Variants in RBM42 observed in about 807,000 individuals in gnomAD.
The protein encoded by RBM42 is RNA binding motif protein 42.
RBM42 carries 21 observed loss-of-function variants against 41.4 expected under a neutral mutation model. The observed-to-expected ratio is 0.51, with a 90% CI of 0.36 to 0.73. RBM42 has a LOEUF of 0.73. Among genes scored for constraint, RBM42 ranks in the 30% least tolerant of loss-of-function variants. The pLI, the probability that RBM42 is intolerant of heterozygous loss-of-function variation, is 0.00. For synonymous variants in RBM42, 272 were observed against 271.2 expected (o/e 1.00, Z -0.03); for missense variants, 539 against 680.4 (o/e 0.79, Z 2.31).
Position 35,630,014 on chromosome 19 carries a change from T to A in RBM42, c.282+341T>A, listed in dbSNP as rs534850025. The stretch of plus-strand genomic sequence containing the variant: ...TAGTAGAGAAAGAGAGAGAAATTAT[T>A]AAGATGAAAATAGGCTGGGCGCTGG... On this transcript the variant is annotated intron_variant, in intron 2 of 9. Coordinates refer to ENST00000262633, the MANE Select transcript of RBM42 (RefSeq NM_024321.5). Among the ~76,000 whole-genome samples, 6 of 152,234 alleles carry A rather than the reference T, an allele frequency of 3.9e-5. No homozygotes were observed. In the East Asian group the frequency reaches 1.2e-3, roughly 29 times the overall value.
At chr19:35,633,045 G>A in intron 5 of RBM42, 32 bp from the exon 6 acceptor site, 1 of 1,607,314 alleles carries the variant, frequency 6.2e-7, no homozygotes, top group Non-Finnish European at 8.5e-7. Context: ...ACTCCCCCCA[G>A]GCCCTGGAAC....
chr19:35,630,014 TA>T (rs1256748413), intron 2 of RBM42, among the ~76,000 whole-genome samples: 2 of 152,116 alleles, frequency 1.3e-5, no homozygotes, highest in Non-Finnish European at 2.9e-5. Flanking sequence ...GAGAAATTAT[TA>T]AGATGAAAAT....
In RBM42 at chr19:35,631,421, G is replaced by C; in HGVS notation, c.442+16G>C. 6.2e-7 allele frequency: 1 copy of C among 1,612,762 alleles called. No homozygotes were observed. Among genetic ancestry groups the C allele is most frequent in the Non-Finnish European group, 8.5e-7 (1 of 1,178,966 alleles). On this transcript the variant is annotated intron_variant, in intron 4 of 9. Transcript: ENST00000262633. ...CGGCGGGCAGGTGAGTCTGGGGCCA[G>C]GGACCCCCACATTTAATCAGGCACT...
chr19:35,629,659 A>C lies in RBM42; in HGVS notation c.268A>C (p.Asn90His). Reference sequence around the variant, plus strand: ...TGTGATCCGCCCAATTATCGCGACCAACACATACCAGCAGGTACGGCTGAG... The same window carrying C: ...TGTGATCCGCCCAATTATCGCGACCCACACATACCAGCAGGTACGGCTGAG... ...APVIRPIIATNTYQQVQQTLE... is the reference protein window; with the variant it reads ...APVIRPIIATHTYQQVQQTLE... Residue 90 changes from asparagine to histidine, a missense_variant, in exon 2 of 10, where the codon AAC becomes CAC. Coordinates refer to ENST00000262633, the MANE Select transcript of RBM42 (RefSeq NM_024321.5). The C allele has an allele frequency of 6.2e-7, 1 of 1,614,182 alleles. No individual in the cohort carries two copies. Among genetic ancestry groups the C allele is most frequent in the Non-Finnish European group, 8.5e-7 (1 of 1,180,030 alleles).
In RBM42 at chr19:35,633,796, C is replaced by T. The variant is rs918340442; in HGVS notation, c.794C>T (p.Ala265Val). 6.7e-7 allele frequency: 1 copy of T among 1,501,276 alleles called. No homozygotes were observed. Among genetic ancestry groups the T allele is most frequent in the Non-Finnish European group, 8.8e-7 (1 of 1,133,200 alleles). 93.0% of individuals were successfully genotyped at this position (1,501,276 alleles called of 1,614,324 possible). Residue 265 changes from alanine to valine, a missense_variant, in exon 7 of 10, where the codon GCT becomes GTT. This residue lies in a region of RBM42 where 429 missense variants were observed against 488.9 expected (regional missense o/e 0.88). Coordinates refer to ENST00000262633, the MANE Select transcript of RBM42 (RefSeq NM_024321.5). ...GCTGGGCTGGAGGAGGCTAGCGCGG[C>T]TGTGGCCGTGGGGGCAGGAGGTGCC... ...AAAGLEEASA[A>V]VAVGAGGAPA...
rs540298567 is a variant in RBM42 at position 35,634,871 on chromosome 19, C to CCA, written c.1135+500_1135+501dup. Among the ~76,000 whole-genome samples the CCA allele has an allele frequency of 9.5e-4, 144 of 152,086 alleles. 3 individuals are homozygous for CCA. The Middle Eastern group carries it at 0.01, about 11-fold the overall frequency. On this transcript the variant is annotated intron_variant, in intron 8 of 9. Coordinates refer to ENST00000262633, the MANE Select transcript of RBM42 (RefSeq NM_024321.5). ...GGCACAGTAAACACCCGTCTACCCA[C>CCA]CACCTAGATTCTGCAATTAACATTT... is the stretch of plus-strand genomic sequence containing the variant.
intron 4 of RBM42, 137 bp downstream of exon 4, chr19:35,631,542 C>T (rs1451611345): frequency 5.3e-6 from 4 of 750,302 alleles, no homozygotes; most frequent in Middle Eastern, 2.6e-4. Flanking sequence ...AAAGCACGAA[C>T]CTGATCATGT....
At chr19:35,629,717 C>A (rs367898568) in intron 2 of RBM42, 44 bp downstream of exon 2, 1 of 1,603,284 alleles carries the variant, frequency 6.2e-7, no homozygotes, top group East Asian at 2.2e-5. Context: ...CACAATGCCT[C>A]GAACAGAGTA....
rs999637292 is a variant in RBM42 at position 35,633,893 on chromosome 19, C to T, written c.891C>T (p.Pro297=). The part of the protein sequence containing the change: ...ALAMPLPEPE[P]LPLPLEVVRG... ...CCATGCCATTGCCCGAGCCTGAGCC[C>T]CTGCCCCTCCCGTTGGAGGTCGTCC... Residue 297 remains proline, a synonymous_variant, in exon 7 of 10, where the codon CCC becomes CCT. Coordinates refer to ENST00000262633, the MANE Select transcript of RBM42 (RefSeq NM_024321.5). 1.3e-6 allele frequency: 2 copies of T among 1,595,340 alleles called. No individual in the cohort carries two copies. The highest frequency in any genetic ancestry group is 1.7e-6 in the Non-Finnish European group (2 of 1,174,866).
At position 35,629,112 on chromosome 19, in the gene RBM42, T is replaced by G. The variant is rs539482480; in HGVS notation, c.-42T>G. ...AGACAGCAGAACCAGCGGCGGCGGC[T>G]AAGCAGAGACTGTAGTAGCGGCGAC... On this transcript the variant is annotated 5_prime_UTR_variant, in exon 1 of 10. Transcript: ENST00000262633. 3.4e-6 allele frequency: 5 copies of G among 1,491,680 alleles called. No individual in the cohort carries two copies. The East Asian group carries it at 1.3e-4, about 38-fold the overall frequency. 92.4% of individuals were successfully genotyped at this position (1,491,680 alleles called of 1,614,324 possible).
Position 35,633,158 on chromosome 19 carries a change from T to C in RBM42, c.590T>C (p.Leu197Pro). 6.3e-7 allele frequency: 1 copy of C among 1,590,564 alleles called. No homozygotes were observed. The highest frequency in any genetic ancestry group is 1.1e-5 in the South Asian group (1 of 90,584). Residue 197 changes from leucine (L) to proline (P), a missense_variant, in exon 6 of 10, where the codon CTG becomes CCG. Physicochemically the swap from Leu to Pro is moderately conservative, Grantham distance 98. Coordinates refer to ENST00000262633, the MANE Select transcript of RBM42 (RefSeq NM_024321.5). ...CACCAGGCCCTCGTGGGCCCCCCTC[T>C]GCCTGGGCCCCCTGGACCACCCATG... ...PPHQALVGPP[L>P]PGPPGPPMML... is the part of the protein sequence containing the mutation.
chr19:35,629,065 C>T lies in RBM42; in HGVS notation c.-89C>T, dbSNP rs992546195. On this transcript the variant is annotated 5_prime_UTR_variant, in exon 1 of 10. Coordinates refer to ENST00000262633, the MANE Select transcript of RBM42 (RefSeq NM_024321.5). ...TTGCTGGACGTCATCCTCGGGAGCC[C>T]ACCCGGACGAAGGGGGAGAGTAGAC... 4.8e-6 allele frequency: 7 copies of T among 1,446,262 alleles called. No individual in the cohort carries two copies. The highest frequency in any genetic ancestry group is 5.4e-6 in the Non-Finnish European group (6 of 1,102,056). The allele number at this position is 1,446,262 out of a possible 1,614,324, so 89.6% of individuals were successfully genotyped here. A position where few individuals can be genotyped will look rare whatever the true frequency, so the allele number is the denominator to read the frequency against.
Position 35,633,965 on chromosome 19 carries a change from T to TCCTCGGCCCCGGCCC in RBM42, c.972_986dup (p.Arg325_Pro329dup). 1.3e-6 allele frequency: 2 copies of TCCTCGGCCCCGGCCC among 1,557,060 alleles called. No individual in the cohort carries two copies. The highest frequency in any genetic ancestry group is 4.5e-5 in the East Asian group (2 of 43,994). ...GCATTCCTGAACTCCTGTCCCTGCG[T>TCCTCGGCCCCGGCCC]CCTCGGCCCCGGCCCCCTCGGCCAG... On this transcript the variant is annotated inframe_insertion, in exon 7 of 10. Transcript: ENST00000262633.
chr19:35,634,443 C>T, intron 8 of RBM42, 70 bp downstream of exon 8: 1 of 1,132,964 alleles, frequency 8.8e-7, no homozygotes, highest in Admixed American at 1.8e-5. Flanking sequence ...CCTTGGGCTG[C>T]AGACTGGGAG....
chr19:35,632,948 A>G lies in RBM42; in HGVS notation c.455A>G (p.Gln152Arg). ...CTCTCTCCCACAGCTGTGGCCCCCC[A>G]GAGGGCCCCTATCCTGCGTCCAGCC... ...MFLRRAAVAP[Q>R]RAPILRPAFV... Residue 152 changes from glutamine (Q) to arginine (R), a missense_variant, in exon 5 of 10, where the codon CAG becomes CGG. By Grantham distance (43) the Gln-to-Arg change is conservative. This residue lies in a region of RBM42 where 429 missense variants were observed against 488.9 expected (regional missense o/e 0.88). Coordinates refer to ENST00000262633, the MANE Select transcript of RBM42 (RefSeq NM_024321.5). The G allele has an allele frequency of 6.4e-7, 1 of 1,553,004 alleles. No individual in the cohort carries two copies. Among genetic ancestry groups the G allele is most frequent in the Non-Finnish European group, 8.8e-7 (1 of 1,135,216 alleles).
intron 4 of RBM42, 111 bp from the exon 5 acceptor site, chr19:35,632,825 C>G (rs1967427864): frequency 1.5e-6 from 1 of 670,408 alleles, no homozygotes; most frequent in South Asian, 1.7e-5. Context: ...AGACTCTTCT[C>G]CAGGATTTCT....
rs1265082760 is a variant in RBM42 at position 35,633,970 on chromosome 19, G to A, written c.968G>A (p.Arg323Gln). 9 of 1,544,766 alleles carry A rather than the reference G, an allele frequency of 5.8e-6. No individual in the cohort carries two copies. In the Admixed American group the frequency reaches 5.8e-5, roughly 10 times the overall value. ...CCTGAACTCCTGTCCCTGCGTCCTC[G>A]GCCCCGGCCCCCTCGGCCAGAGCCA... ...RIPELLSLRPRPRPPRPEPPP... is the reference protein window; with the variant it reads ...RIPELLSLRPQPRPPRPEPPP... Residue 323 changes from arginine (R) to glutamine (Q), a missense_variant, in exon 7 of 10, where the codon CGG becomes CAG. Arg to Gln is a conservative substitution (Grantham distance 43). Transcript: ENST00000262633.
At chr19:35,634,403 G>A (rs1345510697) in intron 8 of RBM42, 30 bp downstream of exon 8, 1 of 1,560,376 alleles carries the variant, frequency 6.4e-7, no homozygotes, top group Non-Finnish European at 8.8e-7. Flanking sequence ...GGTCAGGCGT[G>A]GCTCGGCCAA....
chr19:35,633,806 G>C lies in RBM42; in HGVS notation c.804G>C (p.Val268=). ...GLEEASAAVA[V]GAGGAPAGPA... Reference sequence around the variant, plus strand: ...AGGAGGCTAGCGCGGCTGTGGCCGTGGGGGCAGGAGGTGCCCCAGCTGGCC... The same window carrying C: ...AGGAGGCTAGCGCGGCTGTGGCCGTCGGGGCAGGAGGTGCCCCAGCTGGCC... The change falls in exon 7 of 10, where the codon GTG becomes GTC. Residue 268 remains valine, a synonymous_variant. Coordinates refer to ENST00000262633, the MANE Select transcript of RBM42 (RefSeq NM_024321.5). The C allele has an allele frequency of 6.7e-7, 1 of 1,499,022 alleles. No homozygotes were observed. Among genetic ancestry groups the C allele is most frequent in the Non-Finnish European group, 8.8e-7 (1 of 1,132,398 alleles). The allele number at this position is 1,499,022 out of a possible 1,614,324, so 92.9% of individuals were successfully genotyped here. A position where few individuals can be genotyped will look rare whatever the true frequency, so the allele number is the denominator to read the frequency against.
Sources: allele counts gnomAD v4.1 joint callset (sites outside exome capture counted in the v4.1 genomes callset), GRCh38; gene constraint gnomAD v4.1.1; regional missense constraint gnomAD v4.1.1; transcripts MANE v1.5; gene names NCBI Gene and HGNC (gene_info 2026-07-23, HGNC 2026-07-21).